The following FAM178B variants were observed in gnomAD, a reference collection of about 807,000 sequenced individuals.
FAM178B encodes family with sequence similarity 178 member B.
A neutral mutation model predicts 91.7 loss-of-function variants in FAM178B; 82 were observed. That is an observed-to-expected ratio of 0.89 (90% confidence interval 0.75 to 1.07). The LOEUF (loss-of-function observed/expected upper bound fraction) is 1.07. FAM178B is among the 50% of genes least tolerant of loss of function. The probability of loss-of-function intolerance (pLI) is 0.00; values close to 1 mark genes in which losing one functional copy is unlikely to be tolerated. For synonymous variants in FAM178B, 368 were observed against 359.4 expected, an observed-to-expected ratio of 1.02 and a Z score of -0.27; for missense variants, 769 against 846.7, an observed-to-expected ratio of 0.91 and a Z score of 1.14.
At chr2:96,938,144 A>C (rs1438315321) in intron 8 of FAM178B, among the ~76,000 whole-genome samples, 1 of 152,144 alleles carries the variant, frequency 6.6e-6, no homozygotes, top group Non-Finnish European at 1.5e-5. Flanking sequence ...CAAAACCCCC[A>C]CTATTGCCTG....
At chr2:96,923,026 T>C (rs1050522480) in intron 10 of FAM178B, among the ~76,000 whole-genome samples, 3 of 152,102 alleles carry the variant, frequency 2.0e-5, no homozygotes, top group African/African-American at 7.2e-5. Flanking sequence ...TGGAGTGCAG[T>C]GGTGCCATCT....
At chr2:96,884,637 C>G (rs1213446702) in intron 14 of FAM178B, among the ~76,000 whole-genome samples, 1 of 152,212 alleles carries the variant, frequency 6.6e-6, no homozygotes, top group Non-Finnish European at 1.5e-5. Context: ...GATGCATTTT[C>G]CTAGCTACGT....
intron 8 of FAM178B, among the ~76,000 whole-genome samples, chr2:96,936,515 GTTT>G (rs202100606): frequency 8.0e-6 from 1 of 125,764 alleles, no homozygotes; most frequent in Non-Finnish European, 1.7e-5. Context: ...TTTTTTGGTT[GTTT>G]TTTTTTTTTG....
chr2:96,909,747 AGTCCATCATT>A (rs2081120156), intron 12 of FAM178B, among the ~76,000 whole-genome samples: 1 of 152,050 alleles, frequency 6.6e-6, no homozygotes, highest in Non-Finnish European at 1.5e-5. Flanking sequence ...TTTTCAACTC[AGTCCATCATT>A]ACAGTCTGTT....
intron 13 of FAM178B, among the ~76,000 whole-genome samples, chr2:96,899,317 G>A (rs144946485): frequency 6.6e-6 from 1 of 152,352 alleles, no homozygotes; most frequent in African/African-American, 2.4e-5. Context: ...GGCCGTGGCC[G>A]ACTTGCTCAC....
At chr2:96,911,607 G>A (rs1252471385) in intron 12 of FAM178B, among the ~76,000 whole-genome samples, 1 of 152,212 alleles carries the variant, frequency 6.6e-6, no homozygotes, top group Non-Finnish European at 1.5e-5. Context: ...TCTGAAGGAC[G>A]GTCACACTCC....
intron 14 of FAM178B, among the ~76,000 whole-genome samples, chr2:96,882,766 G>A (rs374710699): frequency 6.6e-6 from 1 of 152,218 alleles, no homozygotes; most frequent in African/African-American, 2.4e-5. Flanking sequence ...CTTGGGTGCT[G>A]GGGGGCTACA....
At chr2:96,918,645 A>G (rs2081281478) in intron 12 of FAM178B, among the ~76,000 whole-genome samples, 1 of 150,442 alleles carries the variant, frequency 6.6e-6, no homozygotes, top group South Asian at 2.1e-4. Context: ...CTGCACAGAC[A>G]CTAAACAGTC....
chr2:96,897,917 T>C, intron 13 of FAM178B: 2 of 982,872 alleles, frequency 2.0e-6, no homozygotes, highest in Non-Finnish European at 2.4e-6. Flanking sequence ...CACTTGCCTG[T>C]GTGACCTCAA....
intron 1 of FAM178B, among the ~76,000 whole-genome samples, chr2:96,974,381 CAAAAAAAAAAAA>C (rs1171601429): frequency 1.2e-4 from 2 of 16,254 alleles, no homozygotes; most frequent in Admixed American, 6.0e-4. Context: ...GACTCCATCT[CAAAAAAAAAAAA>C]AAAAAAAAAA....
chr2:96,916,911 G>C (rs2081249990), intron 12 of FAM178B, among the ~76,000 whole-genome samples: 1 of 152,352 alleles, frequency 6.6e-6, no homozygotes, highest in South Asian at 2.1e-4. Flanking sequence ...ACAGAGCCCA[G>C]TGGGGCAGCC....
intron 14 of FAM178B, among the ~76,000 whole-genome samples, chr2:96,892,764 G>A (rs2153368445): frequency 6.6e-6 from 1 of 152,166 alleles, no homozygotes; most frequent in East Asian, 1.9e-4. Flanking sequence ...CTTGTTCCTT[G>A]CTCCCTGCCC....
At position 96,971,963 on chromosome 2, in the gene FAM178B, C is replaced by T. The variant is rs1254502789; in HGVS notation, c.502G>A (p.Ala168Thr). ...HLDLDPKRGL[A>T]LPEKLFWNTS... ...TTCCAGAACAGCTTCTCTGGCAAGG[C>T]CAGGCCCCTCTTCGGGTCCAAGTCC... Residue 168 changes from alanine to threonine, a missense_variant, in exon 3 of 17, where the codon GCC becomes ACC. By Grantham distance (58) the Ala-to-Thr change is moderately conservative (BLOSUM62 0). Coordinates refer to ENST00000490605, the MANE Select transcript of FAM178B (RefSeq NM_001122646.3). 12 of 1,557,632 alleles carry T rather than the reference C, an allele frequency of 7.7e-6. No individual in the cohort carries two copies. In the African/African-American group the frequency reaches 1.6e-4, roughly 21 times the overall value.
At chr2:96,893,798 T>C in intron 14 of FAM178B, 128 bp downstream of exon 14, 1 of 1,193,762 alleles carries the variant, frequency 8.4e-7, no homozygotes, top group Non-Finnish European at 1.1e-6. Flanking sequence ...TGTTGGTCTC[T>C]GCCCTGGCAT....
intron 8 of FAM178B, among the ~76,000 whole-genome samples, chr2:96,936,498 GTTT>G (rs772029073): frequency 0.019 from 2,589 of 136,068 alleles, 98 homozygotes; most frequent in African/African-American, 0.067. Flanking sequence ...CCACGCCCGG[GTTT>G]TTTTTTTTTG....
intron 8 of FAM178B, among the ~76,000 whole-genome samples, chr2:96,940,504 A>T (rs1214656299): frequency 6.6e-6 from 1 of 152,202 alleles, no homozygotes; most frequent in Non-Finnish European, 1.5e-5. Context: ...GACTGCTTAA[A>T]TTTCAAAATA....
At chr2:96,905,860 A>AT (rs1161397180) in intron 12 of FAM178B, among the ~76,000 whole-genome samples, 5 of 23,276 alleles carry the variant, frequency 2.1e-4, no homozygotes, top group East Asian at 1.6e-3. Context: ...ATATATATAT[A>AT]TTTTTTTTTT....
In FAM178B at chr2:96,908,254, G is replaced by A. The variant is rs538918018; in HGVS notation, c.1563-5547C>T. ...GACACAGTCGGCCACAGACCCAGAC[G>A]AGTGGACCACCACAGGGCAACATGA... is the stretch of plus-strand genomic sequence containing the variant. On this transcript the variant is annotated intron_variant, in intron 12 of 16. Transcript: ENST00000490605. Among the ~76,000 whole-genome samples, 9 of 152,318 alleles carry A rather than the reference G, an allele frequency of 5.9e-5. No individual in the cohort carries two copies. The East Asian group carries it at 9.6e-4, about 16-fold the overall frequency.
At position 96,967,526 on chromosome 2, in the gene FAM178B, T is replaced by A; in HGVS notation, c.728A>T (p.Glu243Val). 6.5e-7 allele frequency: 1 copy of A among 1,544,530 alleles called. No individual in the cohort carries two copies. Residue 243 changes from glutamate (E) to valine (V), a missense_variant, in exon 5 of 17, where the codon GAG (glutamate) becomes GTG (valine). By Grantham distance (121) the Glu-to-Val change is moderately radical. Coordinates refer to ENST00000490605, the MANE Select transcript of FAM178B (RefSeq NM_001122646.3). ...LDEEEVPLTP[E>V]HRMLVEKYSV... Reference sequence around the variant, plus strand: ...CCAGGCCCCTGCCCCTCACCTGTGCTCGGGTGTGAGTGGCACTTCCTCTTC... The same window carrying A: ...CCAGGCCCCTGCCCCTCACCTGTGCACGGGTGTGAGTGGCACTTCCTCTTC...
Sources: allele counts gnomAD v4.1 joint callset (sites outside exome capture counted in the v4.1 genomes callset), GRCh38; gene constraint gnomAD v4.1.1; transcripts MANE v1.5; gene names NCBI Gene and HGNC (gene_info 2026-07-23, HGNC 2026-07-21).